Variants in GLO1 observed in about 807,000 individuals in gnomAD.
GLO1 encodes the protein lactoylglutathione lyase.
GLO1 carries 28 observed loss-of-function variants against 26.0 expected under a neutral mutation model. That is an observed-to-expected ratio of 1.08 (90% CI 0.80 to 1.48). GLO1 has a LOEUF of 1.48. Among genes scored for constraint, GLO1 ranks in the 40% most tolerant of loss-of-function variants. The pLI is 0.00. For synonymous variants in GLO1, 78 were observed against 77.6 expected (o/e 1.00, Z -0.03); for missense variants, 225 against 224.8 (o/e 1.00, Z -0.01).
In GLO1 at chr6:38,678,409, GGAAAAGAAAA is replaced by G. The variant is rs67239641; in HGVS notation, c.467-1036_467-1027del. 1.6e-4 allele frequency among the ~76,000 whole-genome samples: 23 copies of G among 142,184 alleles called. 1 individual carries two copies. The highest frequency in any genetic ancestry group is 4.5e-4 in the South Asian group (2 of 4,430). 93.3% of individuals were successfully genotyped at this position (142,184 alleles called of 152,430 possible). On this transcript the variant is annotated intron_variant, in intron 5 of 5. Coordinates refer to ENST00000373365, the MANE Select transcript of GLO1 (RefSeq NM_006708.3). ...AAGGAAGGAAGGAAGGAAAAGAAAA[GGAAAAGAAAA>G]GAAAAGAAAAGAAAAGGAAAGAAAG...
At chr6:38,691,236 G>T (rs1761525746) in intron 1 of GLO1, among the ~76,000 whole-genome samples, 1 of 152,126 alleles carries the variant, frequency 6.6e-6, no homozygotes, top group East Asian at 1.9e-4. Context: ...GTGGACAATA[G>T]AAATAATAAG....
intron 3 of GLO1, among the ~76,000 whole-genome samples, chr6:38,683,461 G>C (rs1761412791): frequency 6.6e-6 from 1 of 152,188 alleles, no homozygotes; most frequent in African/African-American, 2.4e-5. Flanking sequence ...CACATTTCTG[G>C]ATCCAAAATG....
chr6:38,686,594 T>C (rs1345999305), intron 2 of GLO1, among the ~76,000 whole-genome samples: 1 of 152,186 alleles, frequency 6.6e-6, no homozygotes, highest in Admixed American at 6.5e-5. Context: ...AGGCTAAAAG[T>C]GGCCAGAACA....
chr6:38,689,876 G>C (rs958838379), intron 1 of GLO1, among the ~76,000 whole-genome samples: 2 of 151,880 alleles, frequency 1.3e-5, no homozygotes, highest in African/African-American at 4.8e-5. Context: ...TTCCAGGCTA[G>C]AGTGCAGCAG....
chr6:38,684,586 C>T, intron 2 of GLO1, 72 bp from the exon 3 acceptor site: 1 of 996,578 alleles, frequency 1.0e-6, no homozygotes, highest in Non-Finnish European at 1.3e-6. Context: ...ATCAACATAA[C>T]TTAATATTCA....
At position 38,677,301 on chromosome 6, in the gene GLO1, T is replaced by C; in HGVS notation, c.549A>G (p.Leu183=). ...EILNPNKMAT[L]M The stretch of plus-strand genomic sequence containing the variant: ...AAGGAGAATTCTCACAGCACTACAT[T>C]AAGGTTGCCATTTTGTTAGGATTCA... Residue 183 remains leucine (L), a synonymous_variant, in exon 6 of 6, where the codon TTA becomes TTG. Transcript: ENST00000373365. 7.1e-7 allele frequency: 1 copy of C among 1,410,842 alleles called. No individual in the cohort carries two copies. Among genetic ancestry groups the C allele is most frequent in the Non-Finnish European group, 1.0e-6 (1 of 994,486 alleles). The allele number at this position is 1,410,842 out of a possible 1,614,324, so 87.4% of individuals were successfully genotyped here. A position where few individuals can be genotyped will look rare whatever the true frequency, so the allele number is the denominator to read the frequency against.
chr6:38,683,124 T>C (rs1761408024), intron 3 of GLO1: 3 of 449,176 alleles, frequency 6.7e-6, no homozygotes, highest in Non-Finnish European at 4.0e-6. Context: ...TAATGCTCAT[T>C]TATTGTGCTA....
intron 1 of GLO1, among the ~76,000 whole-genome samples, chr6:38,696,655 C>T (rs532558121): frequency 6.6e-6 from 1 of 152,268 alleles, no homozygotes; most frequent in East Asian, 1.9e-4. Context: ...CTAATACCTG[C>T]CTCAGGGATT....
intron 1 of GLO1, among the ~76,000 whole-genome samples, chr6:38,695,634 TGGCAGGGGAAGGCTG>T (rs919669717): frequency 1.3e-5 from 2 of 152,038 alleles, no homozygotes; most frequent in African/African-American, 4.8e-5. Flanking sequence ...CACATCACCT[TGGCAGGGGAAGGCTG>T]GGCAGCTCAT....
intron 5 of GLO1, among the ~76,000 whole-genome samples, chr6:38,678,212 T>G (rs746239214): frequency 1.3e-5 from 2 of 152,162 alleles, no homozygotes; most frequent in African/African-American, 2.4e-5. Flanking sequence ...AGAAATTTAT[T>G]TGGGGACCAT....
intron 1 of GLO1, among the ~76,000 whole-genome samples, chr6:38,690,564 T>A (rs559944993): frequency 1.9e-5 from 2 of 103,684 alleles, no homozygotes; most frequent in South Asian, 5.2e-4. Context: ...CACACACACA[T>A]GCATATGAAA....
At chr6:38,681,122 G>A (rs1032875422) in intron 5 of GLO1, among the ~76,000 whole-genome samples, 43 of 152,162 alleles carry the variant, frequency 2.8e-4, no homozygotes, top group African/African-American at 1.0e-3. Context: ...GGAGTGCAGT[G>A]GTGCGATCTT....
rs73414381 is a variant in GLO1, at chr6:38,683,037, G to A, written c.309-162C>T. On this transcript the variant is annotated intron_variant, in intron 3 of 5. Transcript: ENST00000373365. ...GTTTTCAACTATAGAAAGGACAAAT[G>A]GCCAAAGTATGATTTTAACGAGACT... 5.6e-3 allele frequency: 3,171 copies of A among 563,590 alleles called. 103 individuals carry two copies. Among genetic ancestry groups the A allele is most frequent in the African/African-American group, 0.053 (2,834 of 53,328 alleles). The allele number at this position is 563,590 out of a possible 1,614,324, so 34.9% of individuals were successfully genotyped here.
intron 1 of GLO1, among the ~76,000 whole-genome samples, chr6:38,700,224 A>G (rs973788187): frequency 2.6e-5 from 4 of 152,210 alleles, no homozygotes; most frequent in Admixed American, 1.3e-4. Context: ...GTATCAAAAC[A>G]CATTTTTGCT....
intron 1 of GLO1, among the ~76,000 whole-genome samples, chr6:38,689,624 A>G (rs1455214446): frequency 6.6e-6 from 1 of 152,164 alleles, no homozygotes; most frequent in Non-Finnish European, 1.5e-5. Context: ...CTTTCTGGAA[A>G]ACAACTGGAA....
At position 38,691,744 on chromosome 6, in the gene GLO1, A is replaced by ATT. The variant is rs57191753; in HGVS notation, c.85-4772_85-4771dup. The stretch of plus-strand genomic sequence containing the variant: ...GGCCCCTTTAAGCACCAGTAAATGG[A>ATT]TTTTTTTTTTTTTGGTATAAGGGAT... On this transcript the variant is annotated intron_variant, in intron 1 of 5. Coordinates refer to ENST00000373365, the MANE Select transcript of GLO1 (RefSeq NM_006708.3). Among the ~76,000 whole-genome samples, 19 of 147,670 alleles carry ATT rather than the reference A, an allele frequency of 1.3e-4. No homozygotes were observed. The East Asian group carries it at 3.4e-3, about 26-fold the overall frequency.
At chr6:38,689,511 C>CA (rs1411610336) in intron 1 of GLO1, among the ~76,000 whole-genome samples, 2 of 152,172 alleles carry the variant, frequency 1.3e-5, no homozygotes, top group Non-Finnish European at 2.9e-5. Flanking sequence ...ATATCTTAGG[C>CA]ACAGCATGTA....
intron 5 of GLO1, among the ~76,000 whole-genome samples, chr6:38,678,874 T>G (rs1200394698): frequency 6.6e-6 from 1 of 152,184 alleles, no homozygotes; most frequent in Non-Finnish European, 1.5e-5. Context: ...CATTTCTAGG[T>G]GCCTAGGAAT....
intron 1 of GLO1, among the ~76,000 whole-genome samples, chr6:38,701,969 C>T (rs1328048000): frequency 2.0e-5 from 3 of 146,916 alleles, no homozygotes; most frequent in Admixed American, 1.4e-4. Context: ...CTCACTCTGT[C>T]GCCCAGGCTG....
Sources: gnomAD v4.1 joint callset for allele counts (sites outside exome capture counted in the v4.1 genomes callset) on GRCh38, gnomAD v4.1.1 for gene constraint, MANE v1.5 for transcripts, NCBI Gene and HGNC (gene_info 2026-07-23, HGNC 2026-07-21) for gene names.